RIC8B: variants seen among roughly 807,000 people sequenced by gnomAD.
RIC8B encodes chaperone Ric-8B.
RIC8B carries 16 observed loss-of-function variants against 57.5 expected under a neutral mutation model. The ratio of observed to expected loss-of-function variants is 0.28; its 90% confidence interval spans 0.19 to 0.42. The LOEUF (loss-of-function observed/expected upper bound fraction) is 0.42, where lower values mean the gene tolerates loss of function less well. Ranked by LOEUF, RIC8B falls within the 10% of genes least tolerant of loss-of-function variation. The probability of loss-of-function intolerance (pLI) is 1.00; values close to 1 mark genes in which losing one functional copy is unlikely to be tolerated. For missense variants in RIC8B, 481 were observed against 677.0 expected, an observed-to-expected ratio of 0.71 and a Z score of 3.21; for synonymous variants, 216 against 250.8, an observed-to-expected ratio of 0.86 and a Z score of 1.31.
In RIC8B at chr12:106,889,223, A is replaced by G. The variant is rs1259054420; in HGVS notation, c.*3208A>G. 1 of 152,172 alleles carries G rather than the reference A, an allele frequency of 6.6e-6. No homozygotes were observed. The highest frequency in any genetic ancestry group is 2.4e-5 in the African/African-American group (1 of 41,442). 9.4% of individuals were successfully genotyped at this position (152,172 alleles called of 1,614,324 possible). On this transcript the variant is annotated 3_prime_UTR_variant, in exon 10 of 10. Coordinates refer to ENST00000392837, the MANE Select transcript of RIC8B (RefSeq NM_001330145.2). ...CATATATAATTTATTTTACTACAAG[A>G]TTGGGATCATGCTGTATTTACAGAT... is the stretch of plus-strand genomic sequence containing the variant.
At chr12:106,820,896 C>T (rs750853591) in intron 3 of RIC8B, among the ~76,000 whole-genome samples, 1 of 152,160 alleles carries the variant, frequency 6.6e-6, no homozygotes, top group African/African-American at 2.4e-5. Context: ...TACCTCATTT[C>T]GATTTTCACT....
intron 8 of RIC8B, among the ~76,000 whole-genome samples, chr12:106,868,766 GACACACACACACAC>G (rs56293147): frequency 0.022 from 2,683 of 123,004 alleles, 92 homozygotes; most frequent in African/African-American, 0.076. Flanking sequence ...AGGCACTCTA[GACACACACACACAC>G]ACACACACAC....
chr12:106,789,465 C>T (rs766873509), intron 2 of RIC8B, among the ~76,000 whole-genome samples: 4 of 152,050 alleles, frequency 2.6e-5, no homozygotes, highest in Admixed American at 1.3e-4. Context: ...AAGACATACC[C>T]GAGACTGGGA....
chr12:106,778,019 C>A (rs889090054), intron 1 of RIC8B, among the ~76,000 whole-genome samples: 2 of 152,106 alleles, frequency 1.3e-5, no homozygotes, highest in African/African-American at 4.8e-5. Context: ...ATAATAGTAA[C>A]TATATCATAG....
intron 6 of RIC8B, among the ~76,000 whole-genome samples, chr12:106,850,659 G>A (rs1226082758): frequency 6.6e-6 from 1 of 152,164 alleles, no homozygotes; most frequent in East Asian, 1.9e-4. Flanking sequence ...CGGGATTACT[G>A]TGAGGATTAT....
rs776709410 is a variant in RIC8B, at chr12:106,860,342, G to C, written c.1381G>C (p.Gly461Arg). 6.2e-7 allele frequency: 1 copy of C among 1,607,970 alleles called. No homozygotes were observed. Among genetic ancestry groups the C allele is most frequent in the Non-Finnish European group, 8.5e-7 (1 of 1,176,980 alleles). Residue 461 changes from glycine (G) to arginine (R), a missense_variant, in exon 8 of 10, where the codon GGA becomes CGA. Coordinates refer to ENST00000392837, the MANE Select transcript of RIC8B (RefSeq NM_001330145.2). ...LLAARGLLAG[G>R]RGDNWYSEDE... ...GGCGGCCAGGGGCCTCTTGGCTGGA[G>C]GAAGAGGAGATAATTGGTACTCAGA...
chr12:106,851,315 C>CTT (rs34606963), intron 6 of RIC8B, 135 bp from the exon 7 acceptor site: 12,388 of 211,812 alleles, frequency 0.058, 1,141 homozygotes, highest in African/African-American at 0.093. Flanking sequence ...GGAAGCTAAC[C>CTT]TTTTTTTTTT....
At chr12:106,871,297 A>AG (rs951072284) in intron 9 of RIC8B, 21 of 161,354 alleles carry the variant, frequency 1.3e-4, no homozygotes, top group African/African-American at 4.3e-4. Flanking sequence ...TTTGTTTCAA[A>AG]TCATGATGCT....
At chr12:106,781,509 A>G (rs568017378) in intron 1 of RIC8B, among the ~76,000 whole-genome samples, 1 of 152,326 alleles carries the variant, frequency 6.6e-6, no homozygotes, top group African/African-American at 2.4e-5. Flanking sequence ...AAACACTCTT[A>G]GAGGTTTGAG....
intron 2 of RIC8B, among the ~76,000 whole-genome samples, chr12:106,809,652 C>G (rs2045240768): frequency 6.6e-6 from 1 of 151,684 alleles, no homozygotes; most frequent in African/African-American, 2.4e-5. Flanking sequence ...TTACACATCC[C>G]AAATCCCCAA....
chr12:106,789,565 T>C (rs1313276842), intron 2 of RIC8B, among the ~76,000 whole-genome samples: 3 of 152,050 alleles, frequency 2.0e-5, no homozygotes, highest in Admixed American at 6.5e-5. Context: ...TCTTACATGG[T>C]GGTGGCAAGA....
intron 2 of RIC8B, among the ~76,000 whole-genome samples, chr12:106,807,995 G>A (rs2045124184): frequency 6.6e-6 from 1 of 151,148 alleles, no homozygotes; most frequent in Non-Finnish European, 1.5e-5. Flanking sequence ...TGGGGCAGGA[G>A]AATCGCTTGA....
chr12:106,786,410 A>G (rs973161944), intron 2 of RIC8B, among the ~76,000 whole-genome samples: 5 of 151,706 alleles, frequency 3.3e-5, no homozygotes, highest in Non-Finnish European at 5.9e-5. Flanking sequence ...CGGCCTCCCA[A>G]AGTGTTGGGA....
At chr12:106,841,093 G>A (rs1948926204) in intron 4 of RIC8B, among the ~76,000 whole-genome samples, 1 of 152,150 alleles carries the variant, frequency 6.6e-6, no homozygotes, top group Non-Finnish European at 1.5e-5. Context: ...AGTTTTAAGA[G>A]AAAGTTTTGG....
chr12:106,855,632 C>T (rs1181815943), intron 7 of RIC8B, among the ~76,000 whole-genome samples: 1 of 152,184 alleles, frequency 6.6e-6, no homozygotes, highest in African/African-American at 2.4e-5. Context: ...CTACCACACA[C>T]TCCTAGATGT....
intron 4 of RIC8B, among the ~76,000 whole-genome samples, chr12:106,828,698 C>T (rs1163966171): frequency 1.3e-5 from 2 of 152,190 alleles, no homozygotes; most frequent in African/African-American, 2.4e-5. Context: ...CCGCTGCTGC[C>T]ACCACTGCCA....
At chr12:106,828,527 G>A (rs1327847016) in intron 4 of RIC8B, among the ~76,000 whole-genome samples, 2 of 151,960 alleles carry the variant, frequency 1.3e-5, no homozygotes, top group Non-Finnish European at 2.9e-5. Flanking sequence ...ACTTTGATTT[G>A]CTTTAAAGAA....
intron 4 of RIC8B, among the ~76,000 whole-genome samples, chr12:106,840,827 C>G (rs1265573612): frequency 1.3e-5 from 2 of 152,128 alleles, no homozygotes; most frequent in Non-Finnish European, 2.9e-5. Flanking sequence ...ACTTTTCAAT[C>G]TGGTCTCTGG....
intron 3 of RIC8B, among the ~76,000 whole-genome samples, chr12:106,821,801 A>T (rs1423914675): frequency 6.6e-6 from 1 of 152,210 alleles, no homozygotes; most frequent in East Asian, 1.9e-4. Context: ...AAGGGCGTTC[A>T]GGTGCGGTGG....
Sources: allele counts gnomAD v4.1 joint callset (sites outside exome capture counted in the v4.1 genomes callset), GRCh38; gene constraint gnomAD v4.1.1; transcripts MANE v1.5; gene names NCBI Gene and HGNC (gene_info 2026-07-23, HGNC 2026-07-21).